CFAP299: variants seen among roughly 807,000 people sequenced by gnomAD.
The protein encoded by CFAP299 is cilia and flagella associated protein 299.
Under a neutral mutation model 27.0 loss-of-function variants are expected in CFAP299, and 21 were observed. The observed-to-expected ratio is 0.78, with a 90% CI of 0.55 to 1.12. CFAP299 has a LOEUF of 1.12. CFAP299 is among the 50% of genes most tolerant of loss of function. The probability of loss-of-function intolerance (pLI) is 0.00; values close to 1 mark genes in which losing one functional copy is unlikely to be tolerated. For missense variants in CFAP299, 310 were observed against 276.6 expected (o/e 1.12, Z -0.86); for synonymous variants, 104 against 98.1 (o/e 1.06, Z -0.36).
intron 3 of CFAP299, among the ~76,000 whole-genome samples, chr4:80,733,068 T>C (rs1190167122): frequency 1.3e-5 from 2 of 152,094 alleles, no homozygotes; most frequent in Admixed American, 1.3e-4. Context: ...GAGATAATCA[T>C]ATAATAAATT....
upstream of CFAP299, among the ~76,000 whole-genome samples, chr4:80,331,065 C>G (rs929868807): frequency 6.6e-6 from 1 of 152,218 alleles, no homozygotes; most frequent in African/African-American, 2.4e-5. Context: ...CAGGAGACTA[C>G]TATATCTTGA....
intron 2 of CFAP299, among the ~76,000 whole-genome samples, chr4:80,415,582 T>A (rs1726958258): frequency 6.6e-6 from 1 of 152,162 alleles, no homozygotes; most frequent in African/African-American, 2.4e-5. Context: ...AATACTGGTT[T>A]ACTTTGAAAT....
intron 3 of CFAP299, among the ~76,000 whole-genome samples, chr4:80,636,574 C>T (rs73832432): frequency 0.046 from 6,958 of 152,138 alleles, 550 homozygotes; most frequent in African/African-American, 0.16. Flanking sequence ...TGCTCAGATA[C>T]GTTAAGACAT....
chr4:80,614,132 TCA>T (rs1738149254), intron 3 of CFAP299, among the ~76,000 whole-genome samples: 1 of 152,184 alleles, frequency 6.6e-6, no homozygotes, highest in South Asian at 2.1e-4. Context: ...ACATAACAAG[TCA>T]CCTATTTTCA....
chr4:80,888,377 T>C (rs1023116785), intron 4 of CFAP299, among the ~76,000 whole-genome samples: 3 of 151,954 alleles, frequency 2.0e-5, no homozygotes, highest in African/African-American at 7.2e-5. Flanking sequence ...GAAAAAAGTG[T>C]GAGACAAAGA....
intron 3 of CFAP299, among the ~76,000 whole-genome samples, chr4:80,839,958 A>T (rs1271726894): frequency 1.3e-5 from 2 of 151,988 alleles, no homozygotes; most frequent in African/African-American, 4.8e-5. Context: ...TTTGTCTTCC[A>T]CTCTACAGAT....
chr4:80,916,244 T>G (rs536891828), intron 4 of CFAP299, among the ~76,000 whole-genome samples: 1 of 112,806 alleles, frequency 8.9e-6, no homozygotes, highest in Non-Finnish European at 1.8e-5. Flanking sequence ...TCTGGGCAAC[T>G]AGACTGAAAT....
In CFAP299 at chr4:80,599,342, C is replaced by T. The variant is rs17004952; in HGVS notation, c.333+16159C>T. 9.2e-3 allele frequency among the ~76,000 whole-genome samples: 1,393 copies of T among 152,236 alleles called. 22 individuals carry two copies. The highest frequency in any genetic ancestry group is 0.031 in the African/African-American group (1,276 of 41,552). ...CACTCTTTCTTAAGACATCTCCATACGTTGTTGCAAGGTGCTTTTCTAACT... is the reference window on the plus strand; with the variant it reads ...CACTCTTTCTTAAGACATCTCCATATGTTGTTGCAAGGTGCTTTTCTAACT... On this transcript the variant is annotated intron_variant, in intron 3 of 5. Coordinates refer to ENST00000358105, the MANE Select transcript of CFAP299 (RefSeq NM_152770.3).
chr4:80,527,487 C>G (rs1733249699), intron 2 of CFAP299, among the ~76,000 whole-genome samples: 1 of 152,056 alleles, frequency 6.6e-6, no homozygotes. Context: ...TGTAACTCCC[C>G]TTTTCTAAAA....
At chr4:80,322,703 G>A in the CFAP299 span, among the ~76,000 whole-genome samples, 15 of 152,156 alleles carry the variant, frequency 9.9e-5, no homozygotes, top group African/African-American at 3.6e-4. Context: ...GGTAGGAATA[G>A]GGGCTGAAAG....
At chr4:80,547,909 A>T (rs927771313) in intron 2 of CFAP299, among the ~76,000 whole-genome samples, 7 of 152,168 alleles carry the variant, frequency 4.6e-5, no homozygotes, top group Non-Finnish European at 1.0e-4. Flanking sequence ...AAAAGGGAAC[A>T]CCTATACTCT....
intron 2 of CFAP299, among the ~76,000 whole-genome samples, chr4:80,456,841 C>T (rs1410229723): frequency 6.6e-6 from 1 of 152,042 alleles, no homozygotes; most frequent in African/African-American, 2.4e-5. Flanking sequence ...CTGCAACACT[C>T]CAATGCATAG....
intron 2 of CFAP299, chr4:80,420,106 G>A (rs1223719422): frequency 2.3e-6 from 1 of 433,308 alleles, no homozygotes; most frequent in East Asian, 7.0e-5. Context: ...GGGAGGGGGA[G>A]AAGAGCAGGC....
the CFAP299 span, among the ~76,000 whole-genome samples, chr4:80,324,483 G>A: frequency 1.3e-5 from 2 of 152,188 alleles, no homozygotes; most frequent in African/African-American, 4.8e-5. Context: ...GATATCAAAA[G>A]TGGAGACCTA....
chr4:80,861,810 C>G (rs2110159664), intron 3 of CFAP299, among the ~76,000 whole-genome samples: 1 of 152,182 alleles, frequency 6.6e-6, no homozygotes, highest in South Asian at 2.1e-4. Context: ...TGGGTTATTA[C>G]TAGCATAAAA....
chr4:80,910,619 T>C (rs1009185104), intron 4 of CFAP299, among the ~76,000 whole-genome samples: 5 of 152,002 alleles, frequency 3.3e-5, no homozygotes, highest in Admixed American at 6.6e-5. Flanking sequence ...GGGAGCTAAA[T>C]GATGAGAACA....
chr4:80,443,356 G>C (rs1394911028), intron 2 of CFAP299, among the ~76,000 whole-genome samples: 1 of 152,076 alleles, frequency 6.6e-6, no homozygotes, highest in Non-Finnish European at 1.5e-5. Flanking sequence ...TTCATCCCTG[G>C]GATGCAAGGC....
intron 3 of CFAP299, among the ~76,000 whole-genome samples, chr4:80,660,178 T>C (rs1400446356): frequency 6.6e-6 from 1 of 152,122 alleles, no homozygotes; most frequent in Non-Finnish European, 1.5e-5. Flanking sequence ...GACAGCATGA[T>C]TTTACTGGAG....
chr4:80,379,102 A>G (rs1462907606), intron 2 of CFAP299, among the ~76,000 whole-genome samples: 1 of 152,054 alleles, frequency 6.6e-6, no homozygotes, highest in African/African-American at 2.4e-5. Context: ...TTATAACTAC[A>G]AACTCTATTT....
Sources: gnomAD v4.1 joint callset for allele counts (sites outside exome capture counted in the v4.1 genomes callset) on GRCh38, gnomAD v4.1.1 for gene constraint, MANE v1.5 for transcripts, NCBI Gene and HGNC (gene_info 2026-07-23, HGNC 2026-07-21) for gene names.